The following CACNA1H variants were observed in gnomAD, a reference collection of about 807,000 sequenced individuals.
CACNA1H encodes the protein voltage-dependent T-type calcium channel subunit alpha-1H.
CACNA1H carries 149 observed loss-of-function variants against 192.5 expected under a neutral mutation model. The ratio of observed to expected loss-of-function variants is 0.77; its 90% confidence interval spans 0.68 to 0.89. CACNA1H has a LOEUF of 0.89. Among genes scored for constraint, CACNA1H ranks in the 40% least tolerant of loss-of-function variants. The pLI is 0.00. For synonymous variants in CACNA1H, 2,202 were observed against 1,475.2 expected, an observed-to-expected ratio of 1.49 and a Z score of -11.29; for missense variants, 4,257 against 3,423.5, an observed-to-expected ratio of 1.24 and a Z score of -6.08.
At chr16:1,188,558 C>T (rs1045807126) in intron 2 of CACNA1H, among the ~76,000 whole-genome samples, 6 of 152,210 alleles carry the variant, frequency 3.9e-5, no homozygotes, top group African/African-American at 1.2e-4. Context: ...CACCCAGCCG[C>T]GGGAATGCAG....
At chr16:1,184,508 A>C (rs1965788500) in intron 2 of CACNA1H, among the ~76,000 whole-genome samples, 1 of 152,188 alleles carries the variant, frequency 6.6e-6, no homozygotes, top group Non-Finnish European at 1.5e-5. Context: ...CCTCACCCTC[A>C]TCCTCTGTGA....
chr16:1,165,550 T>C (rs1431900209), intron 2 of CACNA1H, among the ~76,000 whole-genome samples: 2 of 152,174 alleles, frequency 1.3e-5, no homozygotes, highest in East Asian at 3.9e-4. Flanking sequence ...CCTCCCCACC[T>C]GGCCTCCGGT....
At chr16:1,217,820 T>C in intron 31 of CACNA1H, 99 bp from the exon 32 acceptor site, 1 of 1,430,204 alleles carries the variant, frequency 7.0e-7, no homozygotes, top group Non-Finnish European at 9.4e-7. Context: ...CGGGCTATCC[T>C]GCCTCTGGGC....
chr16:1,168,743 G>A (rs767501957), intron 2 of CACNA1H, among the ~76,000 whole-genome samples: 9 of 152,114 alleles, frequency 5.9e-5, no homozygotes, highest in Non-Finnish European at 1.2e-4. Context: ...CCCACTCTGG[G>A]TGCCTTGTCC....
intron 2 of CACNA1H, among the ~76,000 whole-genome samples, chr16:1,184,971 C>T (rs995182966): frequency 6.6e-5 from 10 of 152,178 alleles, no homozygotes; most frequent in African/African-American, 2.4e-4. Context: ...TGTTGTTGAA[C>T]CATCACCTCT....
At position 1,197,590 on chromosome 16, in the gene CACNA1H, C is replaced by T. The variant is rs1967138263; in HGVS notation, c.644-1025C>T. Reference sequence around the variant, plus strand: ...GCATCCTGTTCTGTTGGCTAGGGGTCCACTCTGACCTCTGGGTCATCTGTG... The same window carrying T: ...GCATCCTGTTCTGTTGGCTAGGGGTTCACTCTGACCTCTGGGTCATCTGTG... On this transcript the variant is annotated intron_variant, in intron 5 of 34. Transcript: ENST00000348261. Among the ~76,000 whole-genome samples the T allele has an allele frequency of 2.0e-5, 3 of 152,340 alleles. No individual in the cohort carries two copies. The South Asian group carries it at 6.2e-4, about 32-fold the overall frequency.
At chr16:1,175,804 G>A (rs1964824899) in intron 2 of CACNA1H, among the ~76,000 whole-genome samples, 1 of 152,202 alleles carries the variant, frequency 6.6e-6, no homozygotes, top group South Asian at 2.1e-4. Flanking sequence ...TGCAGGCCGC[G>A]GGCGAGTTGG....
rs374946880 is a variant in CACNA1H at position 1,207,820 on chromosome 16, C to G, written c.3114C>G (p.Phe1038Leu). ...ACGAGGACAAGACGTCGGTCCACTT[C>G]GAGGAGGACTTCCACAAGCTCAGAG... is the stretch of plus-strand genomic sequence containing the variant. ...DTDEDKTSVH[F>L]EEDFHKLREL... Residue 1038 changes from phenylalanine (F) to leucine (L), a missense_variant, in exon 15 of 35, where the codon TTC becomes TTG. By Grantham distance (22) the Phe-to-Leu change is conservative. Transcript: ENST00000348261. 4.4e-6 allele frequency: 7 copies of G among 1,602,120 alleles called. No homozygotes were observed. Among genetic ancestry groups the G allele is most frequent in the Admixed American group, 1.7e-5 (1 of 58,424 alleles).
At chr16:1,208,825 C>T (rs988363553) in intron 16 of CACNA1H, among the ~76,000 whole-genome samples, 2 of 152,206 alleles carry the variant, frequency 1.3e-5, no homozygotes, top group African/African-American at 4.8e-5. Context: ...AGGGCATCAC[C>T]CCCGCGAGGC....
chr16:1,168,804 C>T (rs1034575484), intron 2 of CACNA1H, among the ~76,000 whole-genome samples: 3 of 152,220 alleles, frequency 2.0e-5, no homozygotes, highest in Middle Eastern at 3.4e-3. Context: ...TCTCCTGGAG[C>T]CTGAGGCCCG....
intron 5 of CACNA1H, 135 bp downstream of exon 5, chr16:1,196,158 A>C (rs1428780212): frequency 5.8e-6 from 4 of 687,040 alleles, no homozygotes; most frequent in Non-Finnish European, 5.0e-6. Flanking sequence ...CCCAGCCCAG[A>C]CCCCAGCAGT....
In CACNA1H at chr16:1,201,972, G is replaced by T. The variant is rs1442103172; in HGVS notation, c.1522G>T (p.Gly508Cys). 2.6e-6 allele frequency: 4 copies of T among 1,543,882 alleles called. No individual in the cohort carries two copies. The South Asian group carries it at 4.8e-5, about 18-fold the overall frequency. Residue 508 changes from glycine to cysteine, a missense_variant, in exon 9 of 35, where the codon GGC (glycine) becomes TGC (cysteine). Physicochemically the swap from Gly to Cys is radical, Grantham distance 159. Coordinates refer to ENST00000348261, the MANE Select transcript of CACNA1H (RefSeq NM_021098.3). ...QGPGHRQRRA[G>C]RHTASVHHLV... The stretch of plus-strand genomic sequence containing the variant: ...TCCCGGGCACCGCCAGCGCCGGGCA[G>T]GCAGGCACACAGCCTCGGTGCACCA...
rs1382765817 is a variant in CACNA1H at position 1,210,686 on chromosome 16, G to A, written c.4038+35G>A. ...GGCCCGGGGACTGCCCTTGTTCCCA[G>A]GTCCCCGTTCTGCCCTCATCCCCAC... On this transcript the variant is annotated intron_variant, in intron 20 of 34. Transcript: ENST00000348261. 2.5e-6 allele frequency: 4 copies of A among 1,592,784 alleles called. 1 individual carries two copies. Among genetic ancestry groups the A allele is most frequent in the Non-Finnish European group, 2.6e-6 (3 of 1,176,358 alleles).
intron 5 of CACNA1H, among the ~76,000 whole-genome samples, chr16:1,198,061 A>G (rs548891289): frequency 6.6e-6 from 1 of 152,242 alleles, no homozygotes; most frequent in Non-Finnish European, 1.5e-5. Flanking sequence ...CTCACTGGGA[A>G]TCAGACAAAG....
At chr16:1,179,360 G>GC (rs1293019933) in intron 2 of CACNA1H, among the ~76,000 whole-genome samples, 2 of 151,980 alleles carry the variant, frequency 1.3e-5, no homozygotes, top group South Asian at 2.1e-4. Context: ...GGGATTGGGG[G>GC]CCCCCCCATG....
chr16:1,186,402 G>A (rs549607799), intron 2 of CACNA1H, among the ~76,000 whole-genome samples: 6 of 152,050 alleles, frequency 3.9e-5, no homozygotes, highest in Admixed American at 2.6e-4. Flanking sequence ...AATTGCACAC[G>A]CAGGGCCTGG....
chr16:1,196,820 G>A (rs1259674184), intron 5 of CACNA1H, among the ~76,000 whole-genome samples: 5 of 152,142 alleles, frequency 3.3e-5, no homozygotes. Context: ...CAGGGGATGG[G>A]GTGGGATCGT....
At chr16:1,190,401 A>T (rs948126039) in intron 2 of CACNA1H, among the ~76,000 whole-genome samples, 1 of 152,244 alleles carries the variant, frequency 6.6e-6, no homozygotes, top group East Asian at 1.9e-4. Flanking sequence ...AGCTGCCCAC[A>T]GAAGTGTGAC....
At chr16:1,217,530 C>T (rs543550783) in intron 31 of CACNA1H, among the ~76,000 whole-genome samples, 1 of 152,304 alleles carries the variant, frequency 6.6e-6, no homozygotes, top group African/African-American at 2.4e-5. Flanking sequence ...CCTGCAGGGC[C>T]CTCCCCCGGG....
Sources: allele counts gnomAD v4.1 joint callset (sites outside exome capture counted in the v4.1 genomes callset), GRCh38; gene constraint gnomAD v4.1.1; transcripts MANE v1.5; gene names NCBI Gene and HGNC (gene_info 2026-07-23, HGNC 2026-07-21).